DENND2B: variants seen among roughly 807,000 people sequenced by gnomAD.
The protein encoded by DENND2B is DENN domain-containing protein 2B.
Under a neutral mutation model 116.0 loss-of-function variants are expected in DENND2B, and 32 were observed. The ratio of observed to expected loss-of-function variants is 0.28; its 90% CI spans 0.21 to 0.37. The LOEUF is 0.37. Ranked by LOEUF, DENND2B falls within the 10% of genes least tolerant of loss-of-function variation. The pLI is 1.00. For synonymous variants in DENND2B, 588 were observed against 583.9 expected, an observed-to-expected ratio of 1.01 and a Z score of -0.10; for missense variants, 1,276 against 1,477.7, an observed-to-expected ratio of 0.86 and a Z score of 2.24.
At chr11:8,842,208 A>G (rs2062648861) in intron 3 of DENND2B, among the ~76,000 whole-genome samples, 1 of 152,132 alleles carries the variant, frequency 6.6e-6, no homozygotes, top group Non-Finnish European at 1.5e-5. Flanking sequence ...CAAAAAAGAT[A>G]GGCTTTTTAG....
At chr11:8,714,105 C>A (rs1455181973) in intron 7 of DENND2B, 63 bp from the exon 8 acceptor site, 5 of 1,549,038 alleles carry the variant, frequency 3.2e-6, no homozygotes, top group Non-Finnish European at 3.6e-6. Context: ...TTTGCTCCCC[C>A]ACCACCCCAG....
At chr11:8,846,165 G>C (rs942177595) in intron 3 of DENND2B, among the ~76,000 whole-genome samples, 4 of 152,200 alleles carry the variant, frequency 2.6e-5, no homozygotes, top group African/African-American at 7.2e-5. Context: ...GTACTGCTGA[G>C]GCTTGTTATG....
intron 1 of DENND2B, chr11:8,895,616 A>G (rs1202650703): frequency 6.6e-6 from 1 of 152,196 alleles, no homozygotes; most frequent in Non-Finnish European, 1.5e-5. Context: ...TTATTGTTTA[A>G]CGAATACAGA....
chr11:8,694,246 G>T, intron 19 of DENND2B, 116 bp from the exon 20 acceptor site: 1 of 1,211,770 alleles, frequency 8.3e-7, no homozygotes, highest in Non-Finnish European at 1.2e-6. Flanking sequence ...AGGAAGACTG[G>T]ATTATAACTG....
chr11:8,874,988 T>C (rs547270936), upstream of DENND2B, among the ~76,000 whole-genome samples: 1 of 152,082 alleles, frequency 6.6e-6, no homozygotes, highest in African/African-American at 2.4e-5. Flanking sequence ...ACCAGTTTTC[T>C]CTAAAGCAGA....
chr11:8,856,104 C>T (rs1014240633), intron 3 of DENND2B, among the ~76,000 whole-genome samples: 3 of 152,176 alleles, frequency 2.0e-5, no homozygotes, highest in African/African-American at 7.2e-5. Context: ...AGCTGTATAA[C>T]GTTTGGGGCT....
intron 19 of DENND2B, chr11:8,694,423 G>C (rs1392218163): frequency 1.5e-5 from 7 of 473,932 alleles, no homozygotes; most frequent in Admixed American, 9.3e-5. Flanking sequence ...CCTGCAGGGA[G>C]GGGTGCATTT....
intron 1 of DENND2B, chr11:8,776,158 G>GCACACACACACACACACA (rs756959704): frequency 0.01 from 3,408 of 336,144 alleles, 21 homozygotes; most frequent in Non-Finnish European, 0.013. Flanking sequence ...ACGCGCGCGC[G>GCACACACACACACACACA]CGCACACACA....
chr11:8,785,967 C>G (rs1209009750), intron 1 of DENND2B, among the ~76,000 whole-genome samples: 1 of 152,190 alleles, frequency 6.6e-6, no homozygotes, highest in Non-Finnish European at 1.5e-5. Flanking sequence ...ATGGGTCTGC[C>G]TTTAGTTGGA....
chr11:8,738,044 A>G (rs1027618854), intron 2 of DENND2B, among the ~76,000 whole-genome samples: 4 of 152,008 alleles, frequency 2.6e-5, no homozygotes, highest in African/African-American at 9.7e-5. Context: ...CCACCATGCC[A>G]ACCTTGTGAC....
chr11:8,696,040 G>A (rs755744472), intron 18 of DENND2B: 21 of 263,470 alleles, frequency 8.0e-5, no homozygotes, highest in African/African-American at 1.6e-4. Flanking sequence ...ACCAACCTAC[G>A]ACAGCTGGCC....
At chr11:8,708,854 G>A (rs1403106108) in intron 11 of DENND2B, among the ~76,000 whole-genome samples, 1 of 151,974 alleles carries the variant, frequency 6.6e-6, no homozygotes, top group African/African-American at 2.4e-5. Flanking sequence ...AGGAGGCTAA[G>A]GCAGGAGAAT....
chr11:8,869,258 T>A (rs1465259818), intron 2 of DENND2B, among the ~76,000 whole-genome samples: 2 of 152,124 alleles, frequency 1.3e-5, no homozygotes, highest in Non-Finnish European at 2.9e-5. Flanking sequence ...TGCCTTGGAG[T>A]TGTCTACCAA....
intron 7 of DENND2B, 78 bp downstream of exon 7, chr11:8,714,532 C>T (rs1565688467): frequency 7.3e-6 from 9 of 1,235,366 alleles, no homozygotes; most frequent in Non-Finnish European, 8.2e-6. Context: ...CTACCCTCCA[C>T]AGGTAAATTG....
chr11:8,824,216 T>C (rs1255510067), intron 4 of DENND2B, among the ~76,000 whole-genome samples: 3 of 143,422 alleles, frequency 2.1e-5, no homozygotes, highest in Non-Finnish European at 4.6e-5. Context: ...TTTTTTTTTT[T>C]AAGTTCAGGG....
chr11:8,898,209 G>A (rs190251242), intron 1 of DENND2B, among the ~76,000 whole-genome samples: 2 of 152,080 alleles, frequency 1.3e-5, no homozygotes, highest in East Asian at 1.9e-4. Context: ...TTGACCCAGG[G>A]GCAATTCCTA....
chr11:8,881,682 GC>G, intron 1 of DENND2B, among the ~76,000 whole-genome samples: 1 of 152,010 alleles, frequency 6.6e-6, no homozygotes, highest in East Asian at 1.9e-4. Context: ...ATTAACAAGC[GC>G]CTGCCATCAC....
In DENND2B at chr11:8,717,724, T is replaced by C; in HGVS notation, c.1629+17A>G. On this transcript the variant is annotated intron_variant, in intron 5 of 19. Transcript: ENST00000313726. Reference sequence around the variant, plus strand: ...CCCTCACGCTAACCCTACAGGCCGATGTCAGGGCTGAGTTACCTGTGTGGG... The same window carrying C: ...CCCTCACGCTAACCCTACAGGCCGACGTCAGGGCTGAGTTACCTGTGTGGG... 1 of 1,538,398 alleles carries C rather than the reference T, an allele frequency of 6.5e-7. No homozygotes were observed. The highest frequency in any genetic ancestry group is 8.8e-7 in the Non-Finnish European group (1 of 1,139,574).
In DENND2B at chr11:8,776,135, C is replaced by T. The variant is rs539243526; in HGVS notation, c.-25-25410G>A. ...ACAGACTTGCACATGCACACAGACACGCACGTGCGCGCACGCGCGCGCGCG... is the reference window on the plus strand; with the variant it reads ...ACAGACTTGCACATGCACACAGACATGCACGTGCGCGCACGCGCGCGCGCG... On this transcript the variant is annotated intron_variant, in intron 1 of 19. Transcript: ENST00000313726. 126 of 107,140 alleles carry T rather than the reference C, an allele frequency of 1.2e-3. 2 individuals are homozygous for T. Among genetic ancestry groups the T allele is most frequent in the South Asian group, 4.0e-3 (59 of 14,702 alleles). The allele number at this position is 107,140 out of a possible 1,614,324, so 6.6% of individuals were successfully genotyped here.
Sources: allele counts gnomAD v4.1 joint callset (sites outside exome capture counted in the v4.1 genomes callset), GRCh38; gene constraint gnomAD v4.1.1; transcripts MANE v1.5; gene names NCBI Gene and HGNC (gene_info 2026-07-23, HGNC 2026-07-21).